NOSTRIN: variants seen among roughly 807,000 people sequenced by gnomAD.
NOSTRIN encodes nitric oxide synthase trafficking.
In NOSTRIN, 63 loss-of-function variants were observed where a neutral mutation model predicts 59.0. That is an observed-to-expected ratio of 1.07 (90% CI 0.87 to 1.32). NOSTRIN has a LOEUF of 1.32. Among genes scored for constraint, NOSTRIN ranks in the 40% most tolerant of loss-of-function variants. The pLI is 0.00. For missense variants in NOSTRIN, 512 were observed against 473.1 expected (o/e 1.08, Z -0.76); for synonymous variants, 200 against 165.4 (o/e 1.21, Z -1.61).
At position 168,865,230 on chromosome 2, in the gene NOSTRIN, G is replaced by A. The variant is rs1377377245; in HGVS notation, c.*260G>A. ...TCTAGGAGACCCTAGAGATGATCCA[G>A]TATAACCCCTGGTGTCACAGAAACA... On this transcript the variant is annotated 3_prime_UTR_variant, in exon 16 of 16. Coordinates refer to ENST00000317647, the MANE Select transcript of NOSTRIN (RefSeq NM_001039724.4). 7.7e-6 allele frequency: 3 copies of A among 387,806 alleles called. No homozygotes were observed. Among genetic ancestry groups the A allele is most frequent in the Non-Finnish European group, 1.4e-5 (3 of 214,894 alleles). The allele number at this position is 387,806 out of a possible 1,614,324, so 24.0% of individuals were successfully genotyped here.
At chr2:168,827,520 C>A (rs1191155430) in intron 3 of NOSTRIN, among the ~76,000 whole-genome samples, 1 of 152,072 alleles carries the variant, frequency 6.6e-6, no homozygotes, top group Non-Finnish European at 1.5e-5. Context: ...TCATCCTTGG[C>A]TATTTTATTT....
chr2:168,823,008 C>CTTTTGT lies in NOSTRIN; in HGVS notation c.114-1605_114-1600dup, dbSNP rs771159389. Among the ~76,000 whole-genome samples, 17 of 152,038 alleles carry CTTTTGT rather than the reference C, an allele frequency of 1.1e-4. No individual in the cohort carries two copies. In the East Asian group the frequency reaches 2.1e-3, roughly 19 times the overall value. On this transcript the variant is annotated intron_variant, in intron 2 of 15. Coordinates refer to ENST00000317647, the MANE Select transcript of NOSTRIN (RefSeq NM_001039724.4). ...TTTCTGTTCCTTACTAGTTGTATTA[C>CTTTTGT]TTTTGTTTTTGTTTTTGTTTTTGTT...
chr2:168,846,643 A>G lies in NOSTRIN; in HGVS notation c.630+3526A>G, dbSNP rs375035599. Reference sequence around the variant, plus strand: ...GATAGAAATAACCTATATTTTTCACAATAATAACCATACTACCAAGAATTA... The same window carrying G: ...GATAGAAATAACCTATATTTTTCACGATAATAACCATACTACCAAGAATTA... On this transcript the variant is annotated intron_variant, in intron 8 of 15. Coordinates refer to ENST00000317647, the MANE Select transcript of NOSTRIN (RefSeq NM_001039724.4). Among the ~76,000 whole-genome samples, 195 of 152,376 alleles carry G rather than the reference A, an allele frequency of 1.3e-3. 4 individuals are homozygous for G. The South Asian group carries it at 0.038, about 30-fold the overall frequency.
intron 13 of NOSTRIN, among the ~76,000 whole-genome samples, chr2:168,860,464 A>G (rs1455883471): frequency 1.3e-5 from 2 of 152,202 alleles, no homozygotes; most frequent in African/African-American, 4.8e-5. Context: ...TGAGGTCAGG[A>G]GTTCGAGAGC....
At chr2:168,793,525 T>C (rs1369024031), upstream of NOSTRIN, among the ~76,000 whole-genome samples, 1 of 152,072 alleles carries the variant, frequency 6.6e-6, no homozygotes, top group Non-Finnish European at 1.5e-5. Context: ...GCGGGAAGAT[T>C]GCTTGAGTTT....
chr2:168,856,084 G>A (rs60615208), intron 11 of NOSTRIN: 27,239 of 228,648 alleles, frequency 0.12, 3,862 homozygotes, highest in African/African-American at 0.4. Context: ...AGAAGCCAAC[G>A]TTGGGTAACT....
chr2:168,815,687 C>T, intron 2 of NOSTRIN, among the ~76,000 whole-genome samples: 1 of 152,196 alleles, frequency 6.6e-6, no homozygotes, highest in African/African-American at 2.4e-5. Context: ...GTGACCTTAA[C>T]TCCCACAGCT....
chr2:168,800,910 T>TA (rs71997437), upstream of NOSTRIN, among the ~76,000 whole-genome samples: 1,493 of 137,924 alleles, frequency 0.011, 27 homozygotes, highest in African/African-American at 0.034. Context: ...AAATTTCTTT[T>TA]AAAAAAAAAA....
upstream of NOSTRIN, among the ~76,000 whole-genome samples, chr2:168,798,920 C>T (rs1323546073): frequency 2.0e-5 from 3 of 151,864 alleles, no homozygotes; most frequent in Non-Finnish European, 4.4e-5. Context: ...TTTATCAGGC[C>T]CAGAGAGGGG....
chr2:168,846,212 A>T (rs1004484616), intron 8 of NOSTRIN, among the ~76,000 whole-genome samples: 1 of 152,212 alleles, frequency 6.6e-6, no homozygotes, highest in Non-Finnish European at 1.5e-5. Context: ...TGTTAGATTC[A>T]TGAAGACATA....
chr2:168,861,443 C>T (rs746040286), intron 14 of NOSTRIN, among the ~76,000 whole-genome samples: 4 of 151,614 alleles, frequency 2.6e-5, no homozygotes, highest in Non-Finnish European at 5.9e-5. Context: ...GTATAATTAC[C>T]ATAATCTTGA....
chr2:168,822,695 G>A (rs370703225), intron 2 of NOSTRIN, among the ~76,000 whole-genome samples: 10 of 152,278 alleles, frequency 6.6e-5, no homozygotes, highest in Admixed American at 3.3e-4. Context: ...AGCTATAGAT[G>A]GGTCTGTAAA....
At chr2:168,822,761 C>T (rs1686821139) in intron 2 of NOSTRIN, among the ~76,000 whole-genome samples, 2 of 152,056 alleles carry the variant, frequency 1.3e-5, no homozygotes, top group Non-Finnish European at 2.9e-5. Context: ...CCAAAAGAAC[C>T]AAGGGGTTTG....
At chr2:168,818,049 C>T (rs1013257192) in intron 2 of NOSTRIN, 6 of 163,660 alleles carry the variant, frequency 3.7e-5, no homozygotes, top group Non-Finnish European at 6.8e-5. Context: ...GGTGATATCC[C>T]AACAGAAGAA....
At chr2:168,850,434 C>A (rs1179281664) in intron 8 of NOSTRIN, among the ~76,000 whole-genome samples, 4 of 152,130 alleles carry the variant, frequency 2.6e-5, no homozygotes, top group Non-Finnish European at 5.9e-5. Flanking sequence ...TGTCAAATAA[C>A]CTCCTTAAAC....
At chr2:168,799,081 C>T (rs1035967299), upstream of NOSTRIN, among the ~76,000 whole-genome samples, 1 of 152,096 alleles carries the variant, frequency 6.6e-6, no homozygotes, top group Non-Finnish European at 1.5e-5. Context: ...CAATCAACAG[C>T]TTGTGTTATT....
upstream of NOSTRIN, among the ~76,000 whole-genome samples, chr2:168,797,829 GC>G (rs1685526948): frequency 1.3e-5 from 2 of 152,004 alleles, no homozygotes; most frequent in South Asian, 4.1e-4. Context: ...TGCCTCTGTT[GC>G]CCTGTGGGTA....
At chr2:168,859,404 T>C in intron 12 of NOSTRIN, 108 bp from the exon 13 acceptor site, 1 of 1,492,934 alleles carries the variant, frequency 6.7e-7, no homozygotes. Context: ...ATGAGTTAAA[T>C]GCGTACTTTT....
intron 8 of NOSTRIN, among the ~76,000 whole-genome samples, chr2:168,846,846 C>T (rs907151292): frequency 1.3e-5 from 2 of 152,190 alleles, no homozygotes; most frequent in African/African-American, 4.8e-5. Context: ...CCAAGGATGG[C>T]ACTTGAGTAG....
Sources: gnomAD v4.1 joint callset for allele counts (sites outside exome capture counted in the v4.1 genomes callset) on GRCh38, gnomAD v4.1.1 for gene constraint, MANE v1.5 for transcripts, NCBI Gene and HGNC (gene_info 2026-07-23, HGNC 2026-07-21) for gene names.